The following HIVEP2 variants were observed in gnomAD, a reference collection of about 807,000 sequenced individuals.
HIVEP2 encodes the protein transcription factor HIVEP2.
A neutral mutation model predicts 180.7 loss-of-function variants in HIVEP2; 14 were observed. The ratio of observed to expected loss-of-function variants is 0.08; its 90% CI spans 0.05 to 0.12. The LOEUF is 0.12. Ranked by LOEUF, HIVEP2 falls within the 10% of genes least tolerant of loss-of-function variation. The pLI is 1.00. For missense variants in HIVEP2, 2,579 were observed against 3,008.5 expected (o/e 0.86, Z 3.34); for synonymous variants, 1,184 against 1,136.4 (o/e 1.04, Z -0.84).
chr6:142,786,974 T>G (rs2114707791), intron 2 of HIVEP2, among the ~76,000 whole-genome samples: 1 of 152,226 alleles, frequency 6.6e-6, no homozygotes, highest in Non-Finnish European at 1.5e-5. Flanking sequence ...TTGTCATAAT[T>G]AAAAACAATA....
intron 6 of HIVEP2, among the ~76,000 whole-genome samples, chr6:142,766,500 C>T (rs184617942): frequency 6.6e-6 from 1 of 152,268 alleles, no homozygotes; most frequent in African/African-American, 2.4e-5. Flanking sequence ...GACATATAGA[C>T]TAAAACAAAT....
intron 2 of HIVEP2, among the ~76,000 whole-genome samples, chr6:142,800,319 C>T (rs926397963): frequency 2.0e-5 from 3 of 152,108 alleles, no homozygotes; most frequent in Admixed American, 6.6e-5. Context: ...AGCACCTCTG[C>T]CTCTAGTATG....
At chr6:142,763,638 T>C (rs1775308456) in intron 7 of HIVEP2, among the ~76,000 whole-genome samples, 1 of 152,246 alleles carries the variant, frequency 6.6e-6, no homozygotes, top group Non-Finnish European at 1.5e-5. Flanking sequence ...TCATTCGTAA[T>C]GACTATTGAA....
At chr6:142,891,925 C>A (rs988229695) in intron 1 of HIVEP2, among the ~76,000 whole-genome samples, 2 of 152,124 alleles carry the variant, frequency 1.3e-5, no homozygotes, top group South Asian at 2.1e-4. Context: ...CTTTATAGAG[C>A]CTTAGGCCCT....
At chr6:142,921,187 A>C (rs1027927311) in intron 1 of HIVEP2, among the ~76,000 whole-genome samples, 1 of 152,196 alleles carries the variant, frequency 6.6e-6, no homozygotes, top group Non-Finnish European at 1.5e-5. Context: ...TGCCCTTCCA[A>C]TGTTTTCATC....
At chr6:142,803,084 C>T (rs1776453106) in intron 2 of HIVEP2, among the ~76,000 whole-genome samples, 1 of 152,102 alleles carries the variant, frequency 6.6e-6, no homozygotes, top group South Asian at 2.1e-4. Flanking sequence ...GTAGTATATA[C>T]TTTTAAATGT....
At chr6:142,868,431 C>T (rs937317935) in intron 1 of HIVEP2, among the ~76,000 whole-genome samples, 1 of 152,150 alleles carries the variant, frequency 6.6e-6, no homozygotes, top group African/African-American at 2.4e-5. Context: ...GTCTATATCC[C>T]TATAATAATT....
At chr6:142,758,945 T>C (rs1775148440) in intron 9 of HIVEP2, among the ~76,000 whole-genome samples, 1 of 152,056 alleles carries the variant, frequency 6.6e-6, no homozygotes, top group Non-Finnish European at 1.5e-5. Context: ...TTCTCTCCTC[T>C]CCCTGGCCCT....
chr6:142,834,458 CT>C (rs1246748538), intron 2 of HIVEP2, among the ~76,000 whole-genome samples: 1 of 152,022 alleles, frequency 6.6e-6, no homozygotes. Context: ...TTTTCACCTT[CT>C]TTTTTTAGGA....
At chr6:142,835,886 C>T (rs531653273) in intron 2 of HIVEP2, among the ~76,000 whole-genome samples, 40 of 152,230 alleles carry the variant, frequency 2.6e-4, no homozygotes, top group South Asian at 2.5e-3. Context: ...AACTACAACG[C>T]TATCGCTAAA....
At chr6:142,915,773 C>T (rs1217021498) in intron 1 of HIVEP2, among the ~76,000 whole-genome samples, 1 of 152,156 alleles carries the variant, frequency 6.6e-6, no homozygotes, top group Non-Finnish European at 1.5e-5. Flanking sequence ...TCATCCACTA[C>T]AACTCAGACA....
chr6:142,766,633 C>A (rs1193716216), intron 6 of HIVEP2, among the ~76,000 whole-genome samples: 1 of 152,044 alleles, frequency 6.6e-6, no homozygotes, highest in African/African-American at 2.4e-5. Flanking sequence ...AATGTCTTAG[C>A]TGATTAACTT....
intron 2 of HIVEP2, among the ~76,000 whole-genome samples, chr6:142,814,766 T>C (rs949138623): frequency 6.6e-6 from 1 of 152,150 alleles, no homozygotes; most frequent in East Asian, 1.9e-4. Flanking sequence ...ATATAGTGTA[T>C]AGAAGTAGGA....
At chr6:142,896,933 C>T (rs1035546682) in intron 1 of HIVEP2, among the ~76,000 whole-genome samples, 1 of 152,180 alleles carries the variant, frequency 6.6e-6, no homozygotes, top group Non-Finnish European at 1.5e-5. Context: ...TCCTCCTACA[C>T]ACAGCCAAGC....
chr6:142,873,036 C>T (rs1214090538), intron 1 of HIVEP2, among the ~76,000 whole-genome samples: 1 of 152,194 alleles, frequency 6.6e-6, no homozygotes, highest in East Asian at 1.9e-4. Context: ...CAATATTCCC[C>T]TCACAAGAAG....
At chr6:142,915,606 T>C (rs1777531225) in intron 1 of HIVEP2, among the ~76,000 whole-genome samples, 1 of 152,162 alleles carries the variant, frequency 6.6e-6, no homozygotes, top group Non-Finnish European at 1.5e-5. Flanking sequence ...TCTCCTCACA[T>C]AGATGCTATG....
At chr6:142,842,197 GCTAT>G (rs769504579) in intron 1 of HIVEP2, among the ~76,000 whole-genome samples, 2 of 152,086 alleles carry the variant, frequency 1.3e-5, no homozygotes, top group Non-Finnish European at 2.9e-5. Context: ...TCTTATTTCT[GCTAT>G]CTGTGAAACA....
chr6:142,857,889 G>C (rs544342286), intron 1 of HIVEP2, among the ~76,000 whole-genome samples: 1 of 152,300 alleles, frequency 6.6e-6, no homozygotes, highest in East Asian at 1.9e-4. Context: ...TGTCTAGGAG[G>C]GGCTGGGGTC....
At chr6:142,944,421 ACACACC>A (rs1778257354) in intron 1 of HIVEP2, among the ~76,000 whole-genome samples, 1 of 95,340 alleles carries the variant, frequency 1.0e-5, no homozygotes, top group Non-Finnish European at 2.0e-5. Context: ...CCCCTCCCCC[ACACACC>A]CACACACACA....
Sources: gnomAD v4.1 joint callset for allele counts (sites outside exome capture counted in the v4.1 genomes callset) on GRCh38, gnomAD v4.1.1 for gene constraint, MANE v1.5 for transcripts, NCBI Gene and HGNC (gene_info 2026-07-23, HGNC 2026-07-21) for gene names.